The following HHAT variants were observed in gnomAD, a reference collection of about 807,000 sequenced individuals.
HHAT encodes hedgehog acyltransferase.
HHAT carries 47 observed loss-of-function variants against 70.8 expected under a neutral mutation model. The ratio of observed to expected loss-of-function variants is 0.66; its 90% CI spans 0.53 to 0.85. The LOEUF (loss-of-function observed/expected upper bound fraction) is 0.85. Ranked by LOEUF, HHAT falls within the 40% of genes least tolerant of loss-of-function variation. HHAT has a pLI of 0.00. For missense variants in HHAT, 609 were observed against 604.8 expected, an observed-to-expected ratio of 1.01 and a Z score of -0.07; for synonymous variants, 228 against 247.6, an observed-to-expected ratio of 0.92 and a Z score of 0.74.
chr1:210,534,201 A>G (rs546096696), intron 9 of HHAT, among the ~76,000 whole-genome samples: 1 of 152,204 alleles, frequency 6.6e-6, no homozygotes, highest in Non-Finnish European at 1.5e-5. Context: ...AGGGGCATCC[A>G]TTCTTTTCCT....
chr1:210,566,886 G>A (rs928919831), intron 9 of HHAT, among the ~76,000 whole-genome samples: 7 of 152,168 alleles, frequency 4.6e-5, no homozygotes, highest in Admixed American at 2.6e-4. Flanking sequence ...AAAGGAAGAG[G>A]GTCCACTGAG....
Position 210,513,044 on chromosome 1 carries a change from G to A in HHAT, c.1008-109G>A. The A allele has an allele frequency of 4.4e-6, 3 of 684,676 alleles. No homozygotes were observed. In the South Asian group the frequency reaches 5.3e-5, roughly 12 times the overall value. 42.4% of individuals were successfully genotyped at this position (684,676 alleles called of 1,614,324 possible). On this transcript the variant is annotated intron_variant, in intron 8 of 11. Transcript: ENST00000261458. The stretch of plus-strand genomic sequence containing the variant: ...ACATCTTGAGAACTACTGTGGTAGA[G>A]CAATCCATTTAGTCATACTATGAAT...
chr1:210,405,728 A>G (rs2092303582), intron 6 of HHAT, among the ~76,000 whole-genome samples: 1 of 152,222 alleles, frequency 6.6e-6, no homozygotes, highest in East Asian at 1.9e-4. Flanking sequence ...TAATGTTCTA[A>G]AATTTCCAGT....
At chr1:210,548,813 T>C (rs2095505042) in intron 9 of HHAT, among the ~76,000 whole-genome samples, 1 of 152,236 alleles carries the variant, frequency 6.6e-6, no homozygotes, top group Non-Finnish European at 1.5e-5. Context: ...CTGGTTGTGA[T>C]GAGGGCATAT....
chr1:210,349,741 T>C (rs1489571596), intron 2 of HHAT, among the ~76,000 whole-genome samples: 1 of 151,406 alleles, frequency 6.6e-6, no homozygotes, highest in Non-Finnish European at 1.5e-5. Context: ...ACCTCTGCCT[T>C]CTGGATTCAA....
intron 7 of HHAT, among the ~76,000 whole-genome samples, chr1:210,450,294 T>TGGGGGGG (rs11412055): frequency 6.9e-6 from 1 of 144,580 alleles, no homozygotes; most frequent in Non-Finnish European, 1.5e-5. Context: ...GCGTCTCAGG[T>TGGGGGGG]GGGGGGGGTG....
chr1:210,447,259 A>T (rs2093653921), intron 7 of HHAT, among the ~76,000 whole-genome samples: 1 of 152,174 alleles, frequency 6.6e-6, no homozygotes, highest in Non-Finnish European at 1.5e-5. Flanking sequence ...GTGACAGTAG[A>T]TGTGCAAGCT....
In HHAT at chr1:210,623,619, C is replaced by CT. The variant is rs777581422; in HGVS notation, c.1341dup (p.Gly448TrpfsTer4). On this transcript the variant is annotated frameshift_variant, in exon 11 of 12. Coordinates refer to ENST00000261458, the MANE Select transcript of HHAT (RefSeq NM_018194.6). LOFTEE classifies it high-confidence loss of function. Reference sequence around the variant, plus strand: ...GCTGATCCTGTCCAACCTGGTATTTCTTGGGGGCAATGAGGTTGGGAAAAC... The same window carrying CT: ...GCTGATCCTGTCCAACCTGGTATTTCTTTGGGGGCAATGAGGTTGGGAAAAC... The CT allele has an allele frequency of 1.9e-6, 3 of 1,614,000 alleles. No individual in the cohort carries two copies. Among genetic ancestry groups the CT allele is most frequent in the East Asian group, 4.5e-5 (2 of 44,872 alleles).
chr1:210,615,670 C>T (rs961318322), intron 10 of HHAT, among the ~76,000 whole-genome samples: 1 of 152,264 alleles, frequency 6.6e-6, no homozygotes, highest in Non-Finnish European at 1.5e-5. Context: ...GGACCCTCAG[C>T]TGCAGGTCTG....
intron 6 of HHAT, among the ~76,000 whole-genome samples, chr1:210,417,147 C>G (rs762109649): frequency 6.6e-6 from 1 of 152,140 alleles, no homozygotes; most frequent in Non-Finnish European, 1.5e-5. Context: ...TAAAGAAGAC[C>G]TGATAAATGG....
chr1:210,331,042 G>A (rs2084938306), intron 1 of HHAT, among the ~76,000 whole-genome samples: 3 of 152,050 alleles, frequency 2.0e-5, no homozygotes, highest in African/African-American at 7.2e-5. Flanking sequence ...TCAAATTCCT[G>A]AGCTCGAACT....
intron 8 of HHAT, among the ~76,000 whole-genome samples, chr1:210,504,389 G>T (rs185808613): frequency 1.3e-5 from 2 of 152,156 alleles, no homozygotes; most frequent in Admixed American, 1.3e-4. Flanking sequence ...TCTGCTCTTG[G>T]TATCATTGTA....
At chr1:210,457,797 G>A (rs572115353) in intron 7 of HHAT, among the ~76,000 whole-genome samples, 13 of 152,124 alleles carry the variant, frequency 8.5e-5, no homozygotes, top group Non-Finnish European at 1.5e-4. Flanking sequence ...AGACCCTTGT[G>A]TTTACCCCCG....
intron 2 of HHAT, among the ~76,000 whole-genome samples, chr1:210,356,533 G>GT (rs1352116794): frequency 1.3e-5 from 2 of 151,972 alleles, no homozygotes; most frequent in Admixed American, 6.6e-5. Context: ...CTGTTTCTTT[G>GT]TTTTTATATA....
chr1:210,479,776 G>T (rs1315719655), intron 8 of HHAT, among the ~76,000 whole-genome samples: 2 of 152,164 alleles, frequency 1.3e-5, no homozygotes, highest in African/African-American at 4.8e-5. Flanking sequence ...TTGAATAATT[G>T]TACGTCACTT....
intron 8 of HHAT, among the ~76,000 whole-genome samples, chr1:210,494,541 G>GTTTTTTTTTT (rs2094600779): frequency 1.6e-5 from 1 of 61,948 alleles, no homozygotes; most frequent in African/African-American, 6.7e-5. Context: ...GTTTGAAATA[G>GTTTTTTTTTT]CTTTTTTTTT....
At chr1:210,526,300 CTCAGGCCCTG>C (rs1395301693) in intron 9 of HHAT, among the ~76,000 whole-genome samples, 1 of 151,512 alleles carries the variant, frequency 6.6e-6, no homozygotes, top group African/African-American at 2.4e-5. Context: ...GAGCCTGGCT[CTCAGGCCCTG>C]TCAGAGATTG....
chr1:210,477,444 T>C (rs1484137012), intron 8 of HHAT, among the ~76,000 whole-genome samples: 1 of 152,170 alleles, frequency 6.6e-6, no homozygotes, highest in African/African-American at 2.4e-5. Context: ...AGTTCCTGGT[T>C]TCTGGCCGAG....
chr1:210,577,083 T>TG (rs397694519), intron 9 of HHAT, among the ~76,000 whole-genome samples: 1 of 151,952 alleles, frequency 6.6e-6, no homozygotes, highest in Non-Finnish European at 1.5e-5. Context: ...GTTTTTTTTT[T>TG]GCAGTCTTTA....
Sources: allele counts gnomAD v4.1 joint callset (sites outside exome capture counted in the v4.1 genomes callset), GRCh38; gene constraint gnomAD v4.1.1; transcripts MANE v1.5; gene names NCBI Gene and HGNC (gene_info 2026-07-23, HGNC 2026-07-21).